The following CDC42BPB variants were observed in gnomAD, a reference collection of about 807,000 sequenced individuals.
The protein encoded by CDC42BPB is CDC42 binding protein kinase beta, also known as serine/threonine-protein kinase MRCK beta.
CDC42BPB carries 37 observed loss-of-function variants against 214.9 expected under a neutral mutation model. That is an observed-to-expected ratio of 0.17 (90% CI 0.13 to 0.23). The LOEUF (loss-of-function observed/expected upper bound fraction) is 0.23, where lower values mean the gene tolerates loss of function less well. CDC42BPB is among the 10% of genes least tolerant of loss of function. The pLI, the probability that CDC42BPB is intolerant of heterozygous loss-of-function variation, is 1.00. For missense variants in CDC42BPB, 1,694 were observed against 2,227.0 expected (o/e 0.76, Z 4.82); for synonymous variants, 931 against 884.0 (o/e 1.05, Z -0.94).
chr14:103,049,826 G>C (rs1206486982), intron 1 of CDC42BPB, among the ~76,000 whole-genome samples: 1 of 152,174 alleles, frequency 6.6e-6, no homozygotes. Flanking sequence ...TGATTCTCCT[G>C]CCTCAGCCTC....
intron 1 of CDC42BPB, chr14:103,041,676 C>T (rs1888006747): frequency 1.8e-6 from 1 of 561,100 alleles, no homozygotes; most frequent in Non-Finnish European, 3.2e-6. Context: ...CCAAGGTGCG[C>T]ACCGGCCGCA....
chr14:102,944,593 C>T lies in CDC42BPB; in HGVS notation c.3812-106G>A. ...GCCTGGAACACTCTGGGGCCCTCCC[C>T]TGGGCTCCCTTCCTGTGTGCACAGC... On this transcript the variant is annotated intron_variant, in intron 29 of 36. Coordinates refer to ENST00000361246, the MANE Select transcript of CDC42BPB (RefSeq NM_006035.4). The surrounding 1 kb of genome is among the most constrained non-coding windows in gnomAD (Gnocchi z 6.6). 6.7e-7 allele frequency: 1 copy of T among 1,487,688 alleles called. No individual in the cohort carries two copies. The highest frequency in any genetic ancestry group is 1.4e-5 in the South Asian group (1 of 70,448). 92.2% of individuals were successfully genotyped at this position (1,487,688 alleles called of 1,614,324 possible).
rs1046385083 is a variant in CDC42BPB, at chr14:102,947,745, G to C, written c.3507C>G (p.Arg1169=). 15 of 1,612,208 alleles carry C rather than the reference G, an allele frequency of 9.3e-6. No homozygotes were observed. Among genetic ancestry groups the C allele is most frequent in the African/African-American group, 1.3e-5 (1 of 74,908 alleles). The change falls in exon 27 of 37, where the codon CGC becomes CGG. Residue 1169 remains arginine, a synonymous_variant. Coordinates refer to ENST00000361246, the MANE Select transcript of CDC42BPB (RefSeq NM_006035.4). ...VLASDVIHAT[R]RDIPCIFRVT... is the part of the protein sequence containing the mutation. ...CCCTGAATATACATGGAATATCTCGGCGTGTAGCATGAATGACATCTGAGG... is the reference window on the plus strand; with the variant it reads ...CCCTGAATATACATGGAATATCTCGCCGTGTAGCATGAATGACATCTGAGG...
At chr14:103,040,288 G>C (rs1238595480) in intron 1 of CDC42BPB, among the ~76,000 whole-genome samples, 2 of 151,940 alleles carry the variant, frequency 1.3e-5, no homozygotes, top group Admixed American at 6.6e-5. Context: ...CCGGGAGGCA[G>C]AGGTTGCAGT....
At chr14:102,965,913 C>A (rs919605471) in intron 18 of CDC42BPB, among the ~76,000 whole-genome samples, 1 of 152,184 alleles carries the variant, frequency 6.6e-6, no homozygotes, top group African/African-American at 2.4e-5. Flanking sequence ...GCCGAGATCA[C>A]GCCACTGCAC....
chr14:103,049,399 C>T (rs1157612637), intron 1 of CDC42BPB, among the ~76,000 whole-genome samples: 1 of 152,248 alleles, frequency 6.6e-6, no homozygotes, highest in African/African-American at 2.4e-5. Flanking sequence ...CTAGCACTGA[C>T]TGCTGACACG....
At chr14:102,974,373 T>C in intron 11 of CDC42BPB, 1 of 984,598 alleles carries the variant, frequency 1.0e-6, no homozygotes, top group Non-Finnish European at 1.2e-6. Context: ...TCCCTAGACT[T>C]TACTCTGATC....
chr14:103,049,820 TCTCCTGC>T (rs1168237856), intron 1 of CDC42BPB, among the ~76,000 whole-genome samples: 1 of 152,204 alleles, frequency 6.6e-6, no homozygotes, highest in Admixed American at 6.5e-5. Flanking sequence ...TTTAAGTGAT[TCTCCTGC>T]CTCAGCCTCC....
Position 103,038,341 on chromosome 14 carries a change from C to CAAA in CDC42BPB, c.175+18655_175+18657dup, listed in dbSNP as rs1267070540. 4.7e-4 allele frequency among the ~76,000 whole-genome samples: 39 copies of CAAA among 82,460 alleles called. 1 individual carries two copies. The highest frequency in any genetic ancestry group is 2.5e-4 in the Non-Finnish European group (10 of 40,510). 54.1% of individuals were successfully genotyped at this position (82,460 alleles called of 152,430 possible). A position where few individuals can be genotyped will look rare whatever the true frequency, so the allele number is the denominator to read the frequency against. The stretch of plus-strand genomic sequence containing the variant: ...CAACAGAGCGAGCGAGACTCTGTCT[C>CAAA]AAAAAAAAAAAAAAAACCAAAACAA... On this transcript the variant is annotated intron_variant, in intron 1 of 36. Coordinates refer to ENST00000361246, the MANE Select transcript of CDC42BPB (RefSeq NM_006035.4).
intron 1 of CDC42BPB, among the ~76,000 whole-genome samples, chr14:103,030,606 G>A (rs1887315579): frequency 6.6e-6 from 1 of 152,198 alleles, no homozygotes; most frequent in African/African-American, 2.4e-5. Context: ...TGAGGCGGGA[G>A]GATCACTTCG....
intron 3 of CDC42BPB, 79 bp downstream of exon 3, chr14:103,008,393 C>T: frequency 1.0e-6 from 1 of 958,850 alleles, no homozygotes; most frequent in Non-Finnish European, 1.7e-6. Context: ...GTGGCTGCAG[C>T]TTTTCCCCAG....
intron 1 of CDC42BPB, among the ~76,000 whole-genome samples, chr14:103,026,862 C>T (rs1228057888): frequency 6.0e-5 from 9 of 150,014 alleles, no homozygotes; most frequent in African/African-American, 1.2e-4. Flanking sequence ...AGTGAGACTC[C>T]GTCTCATTAA....
intron 21 of CDC42BPB, among the ~76,000 whole-genome samples, chr14:102,958,698 G>C (rs1482860778): frequency 6.6e-6 from 1 of 152,136 alleles, no homozygotes; most frequent in Non-Finnish European, 1.5e-5. Flanking sequence ...GCCTGAGGGG[G>C]TTGGCCTCCT....
At chr14:102,966,816 C>T (rs1048190672) in intron 17 of CDC42BPB, among the ~76,000 whole-genome samples, 6 of 152,162 alleles carry the variant, frequency 3.9e-5, no homozygotes, top group African/African-American at 7.2e-5. Context: ...GGGGTGTGAA[C>T]GGTTTGCCCC....
In CDC42BPB at chr14:102,968,616, T is replaced by G. The variant is rs1566866914; in HGVS notation, c.2096A>C (p.Glu699Ala). 6.2e-7 allele frequency: 1 copy of G among 1,614,246 alleles called. No individual in the cohort carries two copies. Among genetic ancestry groups the G allele is most frequent in the Non-Finnish European group, 8.5e-7 (1 of 1,180,046 alleles). The change falls in exon 15 of 37, where the codon GAG (glutamate) becomes GCG (alanine). Residue 699 changes from glutamate (E) to alanine (A), a missense_variant. Physicochemically the swap from Glu to Ala is moderately radical, Grantham distance 107 (BLOSUM62 -1). Coordinates refer to ENST00000361246, the MANE Select transcript of CDC42BPB (RefSeq NM_006035.4). The part of the protein sequence containing the change: ...ELEKKVLFYE[E>A]ELVRREASHV... ...GGAGGCCTCACGTCTGACCAATTCC[T>G]CTTCATAAAATAAGACTTTCTTCTC...
chr14:102,967,030 G>A lies in CDC42BPB; in HGVS notation c.2471+16C>T. On this transcript the variant is annotated intron_variant, in intron 17 of 36. Transcript: ENST00000361246. ...AGGGAGCGGATTCACGGCCGCTAAT[G>A]GGGCCGCGCACGTACCACTGAATGA... The A allele has an allele frequency of 6.2e-7, 1 of 1,611,346 alleles. No individual in the cohort carries two copies. The highest frequency in any genetic ancestry group is 1.1e-5 in the South Asian group (1 of 90,930).
At chr14:103,031,682 G>C (rs371652804) in intron 1 of CDC42BPB, among the ~76,000 whole-genome samples, 2 of 152,164 alleles carry the variant, frequency 1.3e-5, no homozygotes, top group African/African-American at 4.8e-5. Context: ...GCTCTCAGCA[G>C]GAAGGGCCTG....
rs1891418943 is a variant in CDC42BPB at position 102,932,481 on chromosome 14, A to G, written c.*1231T>C. The G allele has an allele frequency of 6.6e-6, 1 of 152,408 alleles. No homozygotes were observed. The allele number at this position is 152,408 out of a possible 1,614,324, so 9.4% of individuals were successfully genotyped here. On this transcript the variant is annotated 3_prime_UTR_variant, in exon 37 of 37. Transcript: ENST00000361246. ...ACAAAGACTGAGACTTACATTAAAA[A>G]AGTAAAAACCAGAACCCCCCAGGTG...
Position 102,971,905 on chromosome 14 carries a change from A to G in CDC42BPB, c.1884+14T>C. ...GTCCAGTCGATACCATCCCTGAACC[A>G]TCTCCACAGCTACCTCTTTCCTGAG... On this transcript the variant is annotated intron_variant, in intron 13 of 36. Coordinates refer to ENST00000361246, the MANE Select transcript of CDC42BPB (RefSeq NM_006035.4). 1 of 1,613,174 alleles carries G rather than the reference A, an allele frequency of 6.2e-7. No homozygotes were observed. The highest frequency in any genetic ancestry group is 2.2e-5 in the East Asian group (1 of 44,852).
Sources: gnomAD v4.1 joint callset for allele counts (sites outside exome capture counted in the v4.1 genomes callset) on GRCh38, gnomAD v4.1.1 for gene constraint, Gnocchi (gnomAD v3.1) non-coding constraint, MANE v1.5 for transcripts, NCBI Gene and HGNC (gene_info 2026-07-23, HGNC 2026-07-21) for gene names.